GLI2: variants seen among roughly 807,000 people sequenced by gnomAD.
GLI2 encodes the protein transcription activator GLI2.
In GLI2, 22 loss-of-function variants were observed where a neutral mutation model predicts 78.9. The observed-to-expected ratio is 0.28, with a 90% confidence interval of 0.20 to 0.40. GLI2 has a LOEUF of 0.40. Ranked by LOEUF, GLI2 falls within the 10% of genes least tolerant of loss-of-function variation. The pLI is 1.00. For missense variants in GLI2, 2,097 were observed against 2,213.2 expected, an observed-to-expected ratio of 0.95 and a Z score of 1.05; for synonymous variants, 974 against 963.7, an observed-to-expected ratio of 1.01 and a Z score of -0.20.
At position 120,737,240 on chromosome 2, in the gene GLI2, G is replaced by C. The variant is rs1682393920; in HGVS notation, c.-31+955G>C. On this transcript the variant is annotated intron_variant, in intron 1 of 13. Coordinates refer to ENST00000361492, the MANE Select transcript of GLI2 (RefSeq NM_001374353.1). The surrounding 1 kb of genome is among the most constrained non-coding windows in gnomAD (Gnocchi z 4.3). ...TGTGCTTGCGTGTGTGAGTGTGAGC[G>C]CGCCCGCCGCGCTGGAGAGCTGGGA... is the stretch of plus-strand genomic sequence containing the variant. 6.6e-6 allele frequency among the ~76,000 whole-genome samples: 1 copy of C among 152,074 alleles called. No homozygotes were observed. The highest frequency in any genetic ancestry group is 1.5e-5 in the Non-Finnish European group (1 of 68,002).
At chr2:120,939,143 G>C (rs947307770) in intron 3 of GLI2, among the ~76,000 whole-genome samples, 1 of 152,134 alleles carries the variant, frequency 6.6e-6, no homozygotes, top group African/African-American at 2.4e-5. Flanking sequence ...TTAGCCAGGC[G>C]TGGTGGTGGG....
intron 1 of GLI2, among the ~76,000 whole-genome samples, chr2:120,764,166 G>A (rs1683299843): frequency 6.6e-6 from 1 of 152,248 alleles, no homozygotes. Flanking sequence ...CTGCCCTGAT[G>A]GCACTGGGCA....
intron 2 of GLI2, among the ~76,000 whole-genome samples, chr2:120,895,940 T>C (rs948026413): frequency 6.6e-6 from 1 of 152,216 alleles, no homozygotes; most frequent in Non-Finnish European, 1.5e-5. Flanking sequence ...TTAGAGCTAT[T>C]TCTTGCTCAT....
At chr2:120,912,320 C>T (rs1161214533) in intron 2 of GLI2, among the ~76,000 whole-genome samples, 1 of 145,388 alleles carries the variant, frequency 6.9e-6, no homozygotes. Flanking sequence ...GCATGTTTTC[C>T]TCCTCCCTTT....
intron 2 of GLI2, among the ~76,000 whole-genome samples, chr2:120,852,360 T>G (rs902994195): frequency 3.9e-5 from 6 of 152,190 alleles, no homozygotes; most frequent in African/African-American, 1.4e-4. Flanking sequence ...GTGCTGGGCT[T>G]GGGTGGGGCC....
chr2:120,954,406 T>G (rs1681141722), intron 4 of GLI2, among the ~76,000 whole-genome samples: 1 of 152,110 alleles, frequency 6.6e-6, no homozygotes, highest in Admixed American at 6.5e-5. Context: ...CAGCAGGAGA[T>G]GGCAAGAAGG....
rs1210094519 is a variant in GLI2 at position 120,974,776 on chromosome 2, AT to A, written c.1183-198del. ...TTGAGGAAAGGAGCTAAAAAGGCTG[AT>A]GAGTGTGTGTGTGTGTGTGTGTGTG... On this transcript the variant is annotated intron_variant, in intron 8 of 13. Transcript: ENST00000361492. The A allele has an allele frequency of 9.9e-6, 7 of 709,288 alleles. No homozygotes were observed. In the African/African-American group the frequency reaches 1.5e-4, roughly 15 times the overall value. The allele number at this position is 709,288 out of a possible 1,614,324, so 43.9% of individuals were successfully genotyped here.
At chr2:120,949,392 C>A (rs893393943) in intron 3 of GLI2, among the ~76,000 whole-genome samples, 4 of 152,370 alleles carry the variant, frequency 2.6e-5, no homozygotes, top group Admixed American at 2.0e-4. Context: ...GAAGGTACCT[C>A]TGAGCACCTG....
At chr2:120,963,480 A>G (rs796611369) in intron 5 of GLI2, among the ~76,000 whole-genome samples, 1 of 151,456 alleles carries the variant, frequency 6.6e-6, no homozygotes, top group African/African-American at 2.4e-5. Flanking sequence ...CACCTGGGGT[A>G]TGTGTCTCCA....
chr2:120,982,884 C>T lies in GLI2; in HGVS notation c.1632+4C>T. The T allele has an allele frequency of 2.5e-6, 4 of 1,613,586 alleles. No homozygotes were observed. Among genetic ancestry groups the T allele is most frequent in the Non-Finnish European group, 3.4e-6 (4 of 1,179,728 alleles). ...GAATCGCACCCACTCCAACGAGGTA[C>T]CTCTGCGGGGCATGCACTGGGCATG... On this transcript the variant is annotated splice_donor_region_variant and intron_variant, in intron 11 of 13. Coordinates refer to ENST00000361492, the MANE Select transcript of GLI2 (RefSeq NM_001374353.1).
At chr2:120,972,900 C>G (rs1354322066) in intron 8 of GLI2, among the ~76,000 whole-genome samples, 1 of 152,156 alleles carries the variant, frequency 6.6e-6, no homozygotes, top group East Asian at 1.9e-4. Flanking sequence ...AGCCCCCACT[C>G]TGGGAGCAGG....
chr2:120,752,640 C>T (rs1558780060), intron 1 of GLI2, among the ~76,000 whole-genome samples: 1 of 152,158 alleles, frequency 6.6e-6, no homozygotes, highest in Non-Finnish European at 1.5e-5. Flanking sequence ...GTTCAGAAAG[C>T]ATGAAGGTTA....
chr2:120,885,603 G>T (rs896591236), intron 2 of GLI2, among the ~76,000 whole-genome samples: 39 of 152,354 alleles, frequency 2.6e-4, no homozygotes, highest in African/African-American at 9.4e-4. Context: ...GCAACAGGCA[G>T]CGTCCAGTGC....
At chr2:120,955,064 G>A (rs1015510907) in intron 4 of GLI2, among the ~76,000 whole-genome samples, 181 bp from the exon 5 acceptor site, 8 of 149,984 alleles carry the variant, frequency 5.3e-5, no homozygotes, top group African/African-American at 2.0e-4. Context: ...TGCTGGCCAA[G>A]CCCAGGCCCA....
chr2:120,950,276 A>G (rs1680914222), intron 3 of GLI2, among the ~76,000 whole-genome samples: 1 of 152,262 alleles, frequency 6.6e-6, no homozygotes, highest in Non-Finnish European at 1.5e-5. Context: ...GTCAAATTAT[A>G]GACTAAAGAA....
chr2:120,773,596 C>T (rs1261949043), intron 1 of GLI2, among the ~76,000 whole-genome samples: 4 of 152,166 alleles, frequency 2.6e-5, no homozygotes, highest in Non-Finnish European at 4.4e-5. Flanking sequence ...ATAGGCCCTG[C>T]GCGTCTGTTG....
chr2:120,975,274 TG>T (rs1374213041), intron 9 of GLI2, among the ~76,000 whole-genome samples, 165 bp downstream of exon 9: 1 of 152,256 alleles, frequency 6.6e-6, no homozygotes, highest in Non-Finnish European at 1.5e-5. Context: ...TACTTATGTG[TG>T]TCCTGCCTGT....
intron 7 of GLI2, among the ~76,000 whole-genome samples, 200 bp from the exon 8 acceptor site, chr2:120,971,741 A>G (rs1682183841): frequency 6.6e-6 from 1 of 152,182 alleles, no homozygotes; most frequent in Non-Finnish European, 1.5e-5. Context: ...GGGGGTTGGC[A>G]TGCCCAGGTC....
At chr2:120,775,534 G>A (rs1344471343) in intron 1 of GLI2, among the ~76,000 whole-genome samples, 2 of 152,280 alleles carry the variant, frequency 1.3e-5, no homozygotes, top group East Asian at 3.9e-4. Context: ...GCCTGCCTCG[G>A]GGTGGAGGCA....
Sources: gnomAD v4.1 joint callset for allele counts (sites outside exome capture counted in the v4.1 genomes callset) on GRCh38, gnomAD v4.1.1 for gene constraint, Gnocchi (gnomAD v3.1) non-coding constraint, MANE v1.5 for transcripts, NCBI Gene and HGNC (gene_info 2026-07-23, HGNC 2026-07-21) for gene names.